Variants in IKZF1 observed in about 807,000 individuals in gnomAD.
IKZF1 encodes DNA-binding protein Ikaros.
IKZF1 carries 10 observed loss-of-function variants against 51.7 expected under a neutral mutation model. That is an observed-to-expected ratio of 0.19 (90% confidence interval 0.12 to 0.33). The LOEUF (loss-of-function observed/expected upper bound fraction) is 0.33. Among genes scored for constraint, IKZF1 ranks in the 10% least tolerant of loss-of-function variants. The pLI is 1.00. For synonymous variants in IKZF1, 280 were observed against 282.3 expected, an observed-to-expected ratio of 0.99 and a Z score of 0.08; for missense variants, 484 against 707.5, an observed-to-expected ratio of 0.68 and a Z score of 3.58.
intron 3 of IKZF1, among the ~76,000 whole-genome samples, chr7:50,355,619 GAATAAATAAATA>G (rs57903869): frequency 0.021 from 3,078 of 147,492 alleles, 65 homozygotes; most frequent in East Asian, 0.066. Context: ...GTTAGCTTGC[GAATAAATAAATA>G]AATAAATAAA....
rs942391411 is a variant in IKZF1, at chr7:50,358,633, T to C, written c.161-17900T>C. The stretch of plus-strand genomic sequence containing the variant: ...CCGTCTGTAAACACCTTCAGGTGGT[T>C]GGAGGCAGGGTGCTGCAGCCAATGC... On this transcript the variant is annotated intron_variant, in intron 3 of 7. Transcript: ENST00000331340. Among the ~76,000 whole-genome samples, 3 of 152,244 alleles carry C rather than the reference T, an allele frequency of 2.0e-5. No homozygotes were observed. In the South Asian group the frequency reaches 6.2e-4, roughly 32 times the overall value.
chr7:50,317,760 G>T (rs1791959634), intron 1 of IKZF1, among the ~76,000 whole-genome samples: 1 of 152,030 alleles, frequency 6.6e-6, no homozygotes, highest in African/African-American at 2.4e-5. Flanking sequence ...TACCATAAAA[G>T]GTATTAAAGA....
intron 1 of IKZF1, among the ~76,000 whole-genome samples, chr7:50,306,680 A>G (rs1384342735): frequency 2.0e-5 from 3 of 152,204 alleles, no homozygotes; most frequent in African/African-American, 7.2e-5. Context: ...TCGAAAAACT[A>G]AGATCGCAGT....
chr7:50,350,138 G>A (rs1220757353), intron 3 of IKZF1, among the ~76,000 whole-genome samples: 6 of 152,220 alleles, frequency 3.9e-5, no homozygotes, highest in Non-Finnish European at 7.3e-5. Flanking sequence ...GGCCACCACC[G>A]TCCGCTGGGA....
At chr7:50,383,433 GA>G (rs1488046852) in intron 5 of IKZF1, among the ~76,000 whole-genome samples, 3 of 152,204 alleles carry the variant, frequency 2.0e-5, no homozygotes, top group Non-Finnish European at 4.4e-5. Flanking sequence ...TCTGCCTCCT[GA>G]GAAATGGTCC....
In IKZF1 at chr7:50,387,251, T is replaced by TA. The variant is rs1344224996; in HGVS notation, c.590-92dup. On this transcript the variant is annotated intron_variant, in intron 5 of 7. Transcript: ENST00000331340. ...GCTCTCAAGGGTAGAATTTTTTTTTTAACTTTTTTGGTAATAATTGTATTG... is the reference window on the plus strand; with the variant it reads ...GCTCTCAAGGGTAGAATTTTTTTTTTAAACTTTTTTGGTAATAATTGTATTG... 2.8e-6 allele frequency: 4 copies of TA among 1,422,030 alleles called. No homozygotes were observed. The Admixed American group carries it at 1.2e-4, about 42-fold the overall frequency. 88.1% of individuals were successfully genotyped at this position (1,422,030 alleles called of 1,614,324 possible).
intron 3 of IKZF1, among the ~76,000 whole-genome samples, chr7:50,351,695 C>T (rs1350250932): frequency 6.6e-6 from 1 of 152,206 alleles, no homozygotes; most frequent in African/African-American, 2.4e-5. Flanking sequence ...CACACTCCTG[C>T]TCACACGTTT....
chr7:50,304,633 A>C (rs1788329713), upstream of IKZF1: 1 of 151,886 alleles, frequency 6.6e-6, no homozygotes, highest in African/African-American at 2.4e-5. Context: ...TGGCGGAGAA[A>C]TGGGGAACAA....
intron 3 of IKZF1, among the ~76,000 whole-genome samples, chr7:50,354,924 A>G (rs942764276): frequency 6.6e-6 from 1 of 152,172 alleles, no homozygotes. Context: ...ACTATGCTTC[A>G]GCGTCAAAAA....
intron 4 of IKZF1, among the ~76,000 whole-genome samples, chr7:50,377,500 G>A (rs1162208482): frequency 1.3e-5 from 2 of 152,230 alleles, no homozygotes; most frequent in Non-Finnish European, 2.9e-5. Flanking sequence ...TAGTGTCAGC[G>A]AGTTGTGCTC....
intron 7 of IKZF1, among the ~76,000 whole-genome samples, chr7:50,392,171 G>C (rs1451531530): frequency 6.6e-6 from 1 of 152,178 alleles, no homozygotes; most frequent in Non-Finnish European, 1.5e-5. Context: ...GTTTGGGCCT[G>C]GCTCGTCCGG....
chr7:50,335,929 G>A (rs1797667213), intron 3 of IKZF1, among the ~76,000 whole-genome samples: 2 of 151,896 alleles, frequency 1.3e-5, no homozygotes, highest in African/African-American at 4.8e-5. Context: ...AGGTGAGGGC[G>A]CCCCCTCACC....
chr7:50,351,861 C>A (rs1329304300), intron 3 of IKZF1, among the ~76,000 whole-genome samples: 6 of 151,732 alleles, frequency 4.0e-5, no homozygotes, highest in African/African-American at 1.5e-4. Context: ...ACTAACAATT[C>A]CCCCCCGCCC....
At chr7:50,344,991 T>C (rs946491344) in intron 3 of IKZF1, among the ~76,000 whole-genome samples, 2 of 151,734 alleles carry the variant, frequency 1.3e-5, no homozygotes, top group African/African-American at 2.4e-5. Context: ...TTAAAAGTAA[T>C]AGCAAAAACC....
intron 3 of IKZF1, among the ~76,000 whole-genome samples, chr7:50,355,867 G>A (rs1584729982): frequency 6.6e-6 from 1 of 152,212 alleles, no homozygotes; most frequent in Admixed American, 6.5e-5. Flanking sequence ...GCAGGCTGGA[G>A]GCCTCCCGGC....
chr7:50,344,574 G>A (rs981708420), intron 3 of IKZF1, among the ~76,000 whole-genome samples: 2 of 152,194 alleles, frequency 1.3e-5, no homozygotes, highest in African/African-American at 4.8e-5. Context: ...CTGCATCAGT[G>A]CTAAAAGTAC....
At position 50,403,935 on chromosome 7, in the gene IKZF1, CT is replaced by C; in HGVS notation, c.*3311del. Reference sequence around the variant, plus strand: ...AAATCGTGATGCCAGTGTATCCTTCCTTTCTTCAGTTCCAGCAATAATGAAT... The same window carrying C: ...AAATCGTGATGCCAGTGTATCCTTCCTTCTTCAGTTCCAGCAATAATGAAT... On this transcript the variant is annotated 3_prime_UTR_variant, in exon 8 of 8. Coordinates refer to ENST00000331340, the MANE Select transcript of IKZF1 (RefSeq NM_006060.6). 1 of 216,164 alleles carries C rather than the reference CT, an allele frequency of 4.6e-6. No individual in the cohort carries two copies. The highest frequency in any genetic ancestry group is 9.3e-6 in the Non-Finnish European group (1 of 107,028). 13.4% of individuals were successfully genotyped at this position (216,164 alleles called of 1,614,324 possible). A position where few individuals can be genotyped will look rare whatever the true frequency, so the allele number is the denominator to read the frequency against.
At chr7:50,361,597 G>T (rs996089361) in intron 3 of IKZF1, among the ~76,000 whole-genome samples, 1 of 152,160 alleles carries the variant, frequency 6.6e-6, no homozygotes, top group Non-Finnish European at 1.5e-5. Context: ...GCTAATCCTG[G>T]CCAGGCACAG....
intron 6 of IKZF1, among the ~76,000 whole-genome samples, chr7:50,390,182 G>T (rs978003442): frequency 6.6e-6 from 1 of 152,168 alleles, no homozygotes; most frequent in African/African-American, 2.4e-5. Context: ...CTTGTTCCTT[G>T]CTGTGATTGA....
Sources: allele counts gnomAD v4.1 joint callset (sites outside exome capture counted in the v4.1 genomes callset), GRCh38; gene constraint gnomAD v4.1.1; transcripts MANE v1.5; gene names NCBI Gene and HGNC (gene_info 2026-07-23, HGNC 2026-07-21).